The following CACNA1E variants were observed in gnomAD, a reference collection of about 807,000 sequenced individuals.
The protein encoded by CACNA1E is calcium voltage-gated channel subunit alpha1 E.
In CACNA1E, 40 loss-of-function variants were observed where a neutral mutation model predicts 259.2. The observed-to-expected ratio is 0.15, with a 90% confidence interval of 0.12 to 0.20. The LOEUF (loss-of-function observed/expected upper bound fraction) is 0.20. Ranked by LOEUF, CACNA1E falls within the 10% of genes least tolerant of loss-of-function variation. CACNA1E has a pLI of 1.00. For synonymous variants in CACNA1E, 1,104 were observed against 1,138.5 expected (o/e 0.97, Z 0.61); for missense variants, 1,874 against 3,040.1 (o/e 0.62, Z 9.02).
chr1:181,520,341 C>T (rs1405280644), intron 3 of CACNA1E, among the ~76,000 whole-genome samples: 1 of 148,564 alleles, frequency 6.7e-6, no homozygotes, highest in Non-Finnish European at 1.5e-5. Flanking sequence ...AAGTGTTTTG[C>T]AAAACAATAA....
At chr1:181,513,215 G>GA (rs947437944) in intron 3 of CACNA1E, among the ~76,000 whole-genome samples, 1 of 151,830 alleles carries the variant, frequency 6.6e-6, no homozygotes, top group East Asian at 1.9e-4. Flanking sequence ...GTCAAAAGAA[G>GA]AAAAAAAAAT....
chr1:181,674,510 A>T (rs957784421), intron 7 of CACNA1E, among the ~76,000 whole-genome samples: 4 of 152,162 alleles, frequency 2.6e-5, no homozygotes, highest in African/African-American at 9.7e-5. Flanking sequence ...TAAATTAAAA[A>T]TACTGGATCT....
At chr1:181,621,401 A>G (rs2103168582) in intron 6 of CACNA1E, among the ~76,000 whole-genome samples, 1 of 152,366 alleles carries the variant, frequency 6.6e-6, no homozygotes, top group East Asian at 1.9e-4. Flanking sequence ...AAGGTAATTC[A>G]GTATGGGTTA....
chr1:181,770,025 G>C (rs1659368263), intron 35 of CACNA1E, among the ~76,000 whole-genome samples: 1 of 152,166 alleles, frequency 6.6e-6, no homozygotes, highest in African/African-American at 2.4e-5. Context: ...GAGACAAGTA[G>C]TATTTGGGTT....
At position 181,586,176 on chromosome 1, in the gene CACNA1E, CA is replaced by C. The variant is rs548306563; in HGVS notation, c.951+5401del. Among the ~76,000 whole-genome samples the C allele has an allele frequency of 1.4e-4, 21 of 152,246 alleles. No homozygotes were observed. The East Asian group carries it at 4.1e-3, about 29-fold the overall frequency. On this transcript the variant is annotated intron_variant, in intron 6 of 47. Transcript: ENST00000367573. ...GATTGAATATGAGTTTGGGAGAAAG[CA>C]GCAAGAAGAGTGGAGTTGCCATTAA...
chr1:181,596,597 T>TGTGTGTGTAC (rs1553293354), intron 6 of CACNA1E, among the ~76,000 whole-genome samples: 1 of 144,636 alleles, frequency 6.9e-6, no homozygotes, highest in Non-Finnish European at 1.5e-5. Context: ...TGTGTGTGTG[T>TGTGTGTGTAC]ACACACACAT....
chr1:181,469,571 A>C (rs1662364368), intron 2 of CACNA1E, among the ~76,000 whole-genome samples: 1 of 152,214 alleles, frequency 6.6e-6, no homozygotes, highest in African/African-American at 2.4e-5. Context: ...CAAAAAACAG[A>C]GCCGAAGATA....
At chr1:181,411,750 C>T (rs1187810424) in intron 1 of CACNA1E, among the ~76,000 whole-genome samples, 6 of 152,196 alleles carry the variant, frequency 3.9e-5, no homozygotes, top group Non-Finnish European at 8.8e-5. Flanking sequence ...GCTGGGATTA[C>T]AGGCACACGC....
At chr1:181,401,618 A>G (rs1042716844) in intron 1 of CACNA1E, among the ~76,000 whole-genome samples, 2 of 152,206 alleles carry the variant, frequency 1.3e-5, no homozygotes, top group Admixed American at 6.5e-5. Context: ...CTTGGCTCAA[A>G]AAAAGGAAGT....
At chr1:181,602,214 T>A (rs1447866653) in intron 6 of CACNA1E, among the ~76,000 whole-genome samples, 2 of 152,194 alleles carry the variant, frequency 1.3e-5, no homozygotes, top group African/African-American at 2.4e-5. Context: ...CCCACTAGAG[T>A]ACAAGCTTCA....
At chr1:181,787,622 C>T (rs1311583046) in intron 43 of CACNA1E, among the ~76,000 whole-genome samples, 1 of 152,156 alleles carries the variant, frequency 6.6e-6, no homozygotes, top group East Asian at 1.9e-4. Context: ...TGGCAAAGAA[C>T]ACGTCCCCAT....
intron 19 of CACNA1E, 90 bp downstream of exon 19, chr1:181,731,321 T>C: frequency 1.1e-6 from 1 of 949,156 alleles, no homozygotes; most frequent in Admixed American, 1.9e-5. Context: ...AAAGTGGCAC[T>C]GGGTGTGCAT....
chr1:181,713,046 C>T (rs1295140358), intron 8 of CACNA1E, among the ~76,000 whole-genome samples: 2 of 152,182 alleles, frequency 1.3e-5, no homozygotes, highest in East Asian at 3.8e-4. Flanking sequence ...AAATGGAGCG[C>T]CAGTGAATCA....
chr1:181,681,159 G>A (rs1455484247), intron 7 of CACNA1E, among the ~76,000 whole-genome samples: 1 of 152,192 alleles, frequency 6.6e-6, no homozygotes, highest in East Asian at 1.9e-4. Context: ...CTGGGTTCTG[G>A]GTGGTTCTCC....
At chr1:181,731,101 A>G (rs1655430302) in intron 18 of CACNA1E, 74 bp from the exon 19 acceptor site, 14 of 1,197,388 alleles carry the variant, frequency 1.2e-5, no homozygotes, top group Non-Finnish European at 1.7e-5. Context: ...CCCTCTGGAA[A>G]TCTGCTGGTG....
chr1:181,575,904 CTT>C, intron 3 of CACNA1E, among the ~76,000 whole-genome samples: 1 of 152,130 alleles, frequency 6.6e-6, no homozygotes, highest in Non-Finnish European at 1.5e-5. Context: ...TTATCTCGCT[CTT>C]TCTCTTTTTC....
In CACNA1E at chr1:181,721,874, C is replaced by T; in HGVS notation, c.2073C>T (p.Asn691=). The T allele has an allele frequency of 6.3e-7, 1 of 1,591,116 alleles. No individual in the cohort carries two copies. The highest frequency in any genetic ancestry group is 8.6e-7 in the Non-Finnish European group (1 of 1,158,896). The change falls in exon 16 of 48, where the codon AAC becomes AAT. Residue 691 remains asparagine (N), a splice_region_variant and synonymous_variant. Coordinates refer to ENST00000367573, the MANE Select transcript of CACNA1E (RefSeq NM_001205293.3). The stretch of plus-strand genomic sequence containing the variant: ...TCATTGTGCTCACCTTGTTTGGCAA[C>T]TGTATCCTTTTTAAGATGCACCTCC... The part of the protein sequence containing the change: ...IYFIVLTLFG[N]YTLLNVFLAI...
intron 18 of CACNA1E, among the ~76,000 whole-genome samples, chr1:181,727,529 G>A (rs111588731): frequency 0.025 from 3,852 of 152,354 alleles, 165 homozygotes; most frequent in African/African-American, 0.088. Flanking sequence ...AGAACAGGAT[G>A]TGATAAAGGA....
chr1:181,720,708 G>C, intron 14 of CACNA1E, 75 bp from the exon 15 acceptor site: 1 of 852,970 alleles, frequency 1.2e-6, no homozygotes. Flanking sequence ...AGTGATGAAA[G>C]CTGTGATCTT....
Sources: gnomAD v4.1 joint callset for allele counts (sites outside exome capture counted in the v4.1 genomes callset) on GRCh38, gnomAD v4.1.1 for gene constraint, MANE v1.5 for transcripts, NCBI Gene and HGNC (gene_info 2026-07-23, HGNC 2026-07-21) for gene names.